Variants in NLK observed in about 807,000 individuals in gnomAD.
NLK encodes nemo like kinase, also known as serine/threonine-protein kinase NLK.
A neutral mutation model predicts 59.0 loss-of-function variants in NLK; 11 were observed. That is an observed-to-expected ratio of 0.19 (90% confidence interval 0.12 to 0.31). NLK has a LOEUF of 0.31. Ranked by LOEUF, NLK falls within the 10% of genes least tolerant of loss-of-function variation. NLK has a pLI of 1.00. For missense variants in NLK, 410 were observed against 661.1 expected, an observed-to-expected ratio of 0.62 and a Z score of 4.16; for synonymous variants, 235 against 235.9, an observed-to-expected ratio of 1.00 and a Z score of 0.03.
chr17:28,192,182 C>T lies in NLK; in HGVS notation c.1498C>T (p.Pro500Ser), dbSNP rs1909327408. 1.2e-6 allele frequency: 2 copies of T among 1,605,164 alleles called. No individual in the cohort carries two copies. Among genetic ancestry groups the T allele is most frequent in the Admixed American group, 1.7e-5 (1 of 59,624 alleles). Residue 500 changes from proline (P) to serine (S), a missense_variant, in exon 10 of 11, where the codon CCT becomes TCT. By Grantham distance (74) the Pro-to-Ser change is moderately conservative. Transcript: ENST00000407008. ...KGNRVPLCIN[P>S]QSAAFKSFIS... Reference sequence around the variant, plus strand: ...AAACAGAGTGCCTCTCTGCATCAACCCTCAGTCTGCTGCTTTTAAGAGCTT... The same window carrying T: ...AAACAGAGTGCCTCTCTGCATCAACTCTCAGTCTGCTGCTTTTAAGAGCTT...
intron 1 of NLK, among the ~76,000 whole-genome samples, chr17:28,043,559 G>A (rs1433311310): frequency 6.6e-6 from 1 of 152,176 alleles, no homozygotes; most frequent in Non-Finnish European, 1.5e-5. Flanking sequence ...ACACATAAGT[G>A]TGCTGTCTAC....
chr17:28,167,390 C>T (rs1908280633), intron 5 of NLK, among the ~76,000 whole-genome samples: 1 of 151,724 alleles, frequency 6.6e-6, no homozygotes, highest in Non-Finnish European at 1.5e-5. Context: ...GTGCACACCA[C>T]CACGCCCAGC....
intron 1 of NLK, among the ~76,000 whole-genome samples, chr17:28,098,616 G>A (rs1366653354): frequency 6.6e-6 from 1 of 151,004 alleles, no homozygotes; most frequent in Non-Finnish European, 1.5e-5. Flanking sequence ...CCTATTGTTG[G>A]GCATACAAGT....
At chr17:28,082,688 A>G (rs918080831) in intron 1 of NLK, among the ~76,000 whole-genome samples, 25 of 152,230 alleles carry the variant, frequency 1.6e-4, no homozygotes, top group African/African-American at 5.8e-4. Flanking sequence ...TCTAAAGTTG[A>G]TGCCCAAAAG....
At chr17:28,134,666 C>T (rs1906664178) in intron 3 of NLK, among the ~76,000 whole-genome samples, 1 of 152,146 alleles carries the variant, frequency 6.6e-6, no homozygotes, top group African/African-American at 2.4e-5. Context: ...TCCACAGATC[C>T]TTTATGGAGT....
intron 1 of NLK, among the ~76,000 whole-genome samples, chr17:28,058,698 T>G (rs1256533871): frequency 6.6e-6 from 1 of 152,132 alleles, no homozygotes; most frequent in Non-Finnish European, 1.5e-5. Flanking sequence ...TGTTTGGGAT[T>G]TTAGTATGCA....
chr17:28,149,834 T>G (rs902213120), intron 3 of NLK, among the ~76,000 whole-genome samples: 1 of 152,222 alleles, frequency 6.6e-6, no homozygotes, highest in African/African-American at 2.4e-5. Context: ...ATTGGCATCT[T>G]GTACATGCTG....
chr17:28,067,839 T>A (rs749623538), intron 1 of NLK, among the ~76,000 whole-genome samples: 9 of 137,132 alleles, frequency 6.6e-5, no homozygotes, highest in African/African-American at 1.6e-4. Context: ...CTTCTTAAAA[T>A]ATATATATAT....
At chr17:28,058,236 C>G (rs554516543) in intron 1 of NLK, among the ~76,000 whole-genome samples, 5 of 152,284 alleles carry the variant, frequency 3.3e-5, no homozygotes, top group African/African-American at 9.6e-5. Context: ...TCAAATAAAT[C>G]ACTGACTTAA....
chr17:28,141,869 C>A (rs1027724302), intron 3 of NLK, among the ~76,000 whole-genome samples: 1 of 152,130 alleles, frequency 6.6e-6, no homozygotes, highest in African/African-American at 2.4e-5. Flanking sequence ...GTTTTTTATA[C>A]TCCAAAAAAC....
intron 1 of NLK, among the ~76,000 whole-genome samples, chr17:28,086,919 G>A (rs1910538935): frequency 6.6e-6 from 1 of 151,484 alleles, no homozygotes; most frequent in Admixed American, 6.6e-5. Context: ...GTGGTGGCGT[G>A]CACCTGTAGT....
intron 7 of NLK, among the ~76,000 whole-genome samples, chr17:28,181,790 G>A (rs1281784274): frequency 2.0e-5 from 3 of 151,918 alleles, no homozygotes; most frequent in African/African-American, 4.8e-5. Flanking sequence ...GAGGGCCAAA[G>A]GCTTGAGCTC....
chr17:28,158,703 C>A (rs1907885330), intron 3 of NLK, among the ~76,000 whole-genome samples: 1 of 152,016 alleles, frequency 6.6e-6, no homozygotes, highest in African/African-American at 2.4e-5. Context: ...AATCATGGCT[C>A]ACTGCAACCT....
At chr17:28,146,821 C>T (rs1246912430) in intron 3 of NLK, among the ~76,000 whole-genome samples, 6 of 152,146 alleles carry the variant, frequency 3.9e-5, no homozygotes, top group African/African-American at 1.4e-4. Context: ...TCTAGTGCCA[C>T]GTCCGCTGCA....
intron 5 of NLK, among the ~76,000 whole-genome samples, chr17:28,166,635 T>TCTCATC (rs1283661222): frequency 6.6e-6 from 1 of 152,206 alleles, no homozygotes; most frequent in Non-Finnish European, 1.5e-5. Flanking sequence ...TACTATCTGA[T>TCTCATC]CTCATCCTCA....
chr17:28,138,094 T>G (rs113960833), intron 3 of NLK, among the ~76,000 whole-genome samples: 2 of 152,350 alleles, frequency 1.3e-5, no homozygotes, highest in Non-Finnish European at 2.9e-5. Flanking sequence ...CAGTTCTAAT[T>G]GTTTATTAGA....
At chr17:28,198,910 A>C (rs1255313113), downstream of NLK, among the ~76,000 whole-genome samples, 3 of 152,356 alleles carry the variant, frequency 2.0e-5, no homozygotes, top group South Asian at 2.1e-4. Context: ...CTAGGAAGAA[A>C]TACTGGGACT....
At chr17:28,049,311 C>T (rs144067371) in intron 1 of NLK, among the ~76,000 whole-genome samples, 2 of 152,272 alleles carry the variant, frequency 1.3e-5, no homozygotes, top group African/African-American at 2.4e-5. Flanking sequence ...GTGCTCTTTA[C>T]CTAAACCCAG....
At chr17:28,133,506 A>C (rs1567723399) in intron 3 of NLK, among the ~76,000 whole-genome samples, 1 of 152,200 alleles carries the variant, frequency 6.6e-6, no homozygotes. Flanking sequence ...TAATGTTAAA[A>C]TAATGCCTGG....
Sources: allele counts gnomAD v4.1 joint callset (sites outside exome capture counted in the v4.1 genomes callset), GRCh38; gene constraint gnomAD v4.1.1; transcripts MANE v1.5; gene names NCBI Gene and HGNC (gene_info 2026-07-23, HGNC 2026-07-21).